The following FGD4 variants were observed in gnomAD, a reference collection of about 807,000 sequenced individuals.
The protein encoded by FGD4 is FYVE, RhoGEF and PH domain containing 4.
A neutral mutation model predicts 102.0 loss-of-function variants in FGD4; 42 were observed. That is an observed-to-expected ratio of 0.41 (90% confidence interval 0.32 to 0.53). The LOEUF (loss-of-function observed/expected upper bound fraction) is 0.53. FGD4 is among the 20% of genes least tolerant of loss of function. FGD4 has a pLI of 0.21. For missense variants in FGD4, 902 were observed against 1,078.2 expected (o/e 0.84, Z 2.29); for synonymous variants, 380 against 375.7 (o/e 1.01, Z -0.13).
At chr12:32,418,058 G>A (rs1052572690) in intron 1 of FGD4, among the ~76,000 whole-genome samples, 7 of 149,138 alleles carry the variant, frequency 4.7e-5, no homozygotes, top group Non-Finnish European at 1.0e-4. Context: ...CTGGGTTCAC[G>A]CCATTCTCCT....
At chr12:32,635,789 C>T (rs1054462220) in intron 15 of FGD4, among the ~76,000 whole-genome samples, 10 of 151,742 alleles carry the variant, frequency 6.6e-5, no homozygotes, top group East Asian at 1.9e-4. Context: ...CTGAGGCGGG[C>T]GGATCACAAG....
At chr12:32,585,063 A>G (rs1356644711) in intron 4 of FGD4, among the ~76,000 whole-genome samples, 2 of 151,670 alleles carry the variant, frequency 1.3e-5, no homozygotes, top group Non-Finnish European at 2.9e-5. Context: ...TCTACTAAAA[A>G]TACAAAAAAT....
chr12:32,601,222 T>G (rs1391671259), intron 5 of FGD4, 56 bp from the exon 6 acceptor site: 2 of 1,570,692 alleles, frequency 1.3e-6, no homozygotes, highest in Non-Finnish European at 1.7e-6. Flanking sequence ...CCTAGCACAG[T>G]GCTAGGTGGT....
chr12:32,477,869 G>C (rs1037938299), intron 1 of FGD4, among the ~76,000 whole-genome samples: 2 of 152,236 alleles, frequency 1.3e-5, no homozygotes, highest in African/African-American at 2.4e-5. Flanking sequence ...GCAGCTGTTT[G>C]TAGATTGGTA....
intron 1 of FGD4, among the ~76,000 whole-genome samples, chr12:32,541,459 G>A (rs1307743443): frequency 6.6e-6 from 1 of 152,084 alleles, no homozygotes; most frequent in Non-Finnish European, 1.5e-5. Context: ...CTCTGCCTCC[G>A]GGTTCAAGCG....
At chr12:32,534,483 A>G (rs1467452566) in intron 1 of FGD4, 1 of 1,513,652 alleles carries the variant, frequency 6.6e-7, no homozygotes, top group African/African-American at 1.4e-5. Flanking sequence ...ATGTGAAATC[A>G]TGTCCACTGA....
chr12:32,631,503 C>CT (rs1228901589), intron 14 of FGD4, among the ~76,000 whole-genome samples: 36,621 of 124,506 alleles, frequency 0.29, 6,194 homozygotes, highest in South Asian at 0.39. Flanking sequence ...GAGCAAACAG[C>CT]TTTTTTTTTT....
chr12:32,523,508 G>C (rs1354161489), intron 1 of FGD4, among the ~76,000 whole-genome samples: 1 of 152,190 alleles, frequency 6.6e-6, no homozygotes, highest in Non-Finnish European at 1.5e-5. Context: ...ACCGAGGACT[G>C]TCATGGTAGG....
intron 6 of FGD4, 88 bp from the exon 7 acceptor site, chr12:32,602,072 GC>G: frequency 8.5e-7 from 1 of 1,174,526 alleles, no homozygotes; most frequent in Non-Finnish European, 1.3e-6. Flanking sequence ...CTGTGATAAT[GC>G]CACTGCACTA....
chr12:32,613,624 C>T (rs975502511), intron 10 of FGD4, among the ~76,000 whole-genome samples: 1 of 152,098 alleles, frequency 6.6e-6, no homozygotes, highest in Non-Finnish European at 1.5e-5. Context: ...GGCATGGTAG[C>T]TTGCACCTGT....
intron 16 of FGD4, among the ~76,000 whole-genome samples, chr12:32,639,330 A>G (rs955408678): frequency 1.3e-4 from 19 of 151,940 alleles, no homozygotes; most frequent in Non-Finnish European, 2.6e-4. Flanking sequence ...CACCTGGCTA[A>G]TTTTTATATT....
intron 1 of FGD4, among the ~76,000 whole-genome samples, chr12:32,415,086 T>A (rs1226909043): frequency 6.6e-6 from 1 of 152,222 alleles, no homozygotes; most frequent in Non-Finnish European, 1.5e-5. Context: ...CGTTTGTATA[T>A]GTTCCAAAAT....
At chr12:32,600,353 T>G (rs1948298037) in intron 5 of FGD4, 1 of 737,740 alleles carries the variant, frequency 1.4e-6, no homozygotes, top group African/African-American at 1.9e-5. Context: ...ATTACTATAG[T>G]AACCTAACTA....
chr12:32,555,289 A>T (rs75985070), intron 1 of FGD4, among the ~76,000 whole-genome samples: 7,096 of 152,244 alleles, frequency 0.047, 240 homozygotes, highest in Admixed American at 0.098. Flanking sequence ...ATTACTATTG[A>T]TTCAGAGAAA....
At chr12:32,474,320 A>G (rs1943529043) in intron 1 of FGD4, among the ~76,000 whole-genome samples, 1 of 152,230 alleles carries the variant, frequency 6.6e-6, no homozygotes, top group Admixed American at 6.5e-5. Flanking sequence ...TAGTTGCAAT[A>G]TAATAGCCAA....
intron 15 of FGD4, among the ~76,000 whole-genome samples, chr12:32,634,419 A>C (rs1950674442): frequency 6.6e-6 from 1 of 152,146 alleles, no homozygotes; most frequent in South Asian, 2.1e-4. Flanking sequence ...AGTGATGGTA[A>C]TCTGATAACT....
chr12:32,495,712 A>AAAAAAAAAT (rs71298054), intron 1 of FGD4, among the ~76,000 whole-genome samples: 1 of 149,982 alleles, frequency 6.7e-6, no homozygotes, highest in Admixed American at 6.6e-5. Context: ...AAAAAAAAAA[A>AAAAAAAAAT]GAAGCTTTTC....
chr12:32,552,909 C>A (rs1351657358), intron 1 of FGD4, among the ~76,000 whole-genome samples: 1 of 150,704 alleles, frequency 6.6e-6, no homozygotes, highest in Non-Finnish European at 1.5e-5. Context: ...TCTTGAGTAG[C>A]TGGGATTACA....
intron 14 of FGD4, among the ~76,000 whole-genome samples, chr12:32,626,442 C>A (rs1201586147): frequency 9.4e-6 from 1 of 106,504 alleles, no homozygotes; most frequent in Admixed American, 1.0e-4. Context: ...GAAACTCCAT[C>A]TCAGAAAAAA....
Sources: gnomAD v4.1 joint callset for allele counts (sites outside exome capture counted in the v4.1 genomes callset) on GRCh38, gnomAD v4.1.1 for gene constraint, MANE v1.5 for transcripts, NCBI Gene and HGNC (gene_info 2026-07-23, HGNC 2026-07-21) for gene names.